Variants in TMTC1 observed in about 807,000 individuals in gnomAD.
TMTC1 encodes the protein protein O-mannosyl-transferase TMTC1.
TMTC1 carries 73 observed loss-of-function variants against 104.8 expected under a neutral mutation model. That is an observed-to-expected ratio of 0.70 (90% CI 0.58 to 0.85). The LOEUF (loss-of-function observed/expected upper bound fraction) is 0.85, where lower values mean the gene tolerates loss of function less well. TMTC1 is among the 40% of genes least tolerant of loss of function. The probability of loss-of-function intolerance (pLI) is 0.00; values close to 1 mark genes in which losing one functional copy is unlikely to be tolerated. For missense variants in TMTC1, 1,035 were observed against 1,096.1 expected, an observed-to-expected ratio of 0.94 and a Z score of 0.79; for synonymous variants, 434 against 428.7, an observed-to-expected ratio of 1.01 and a Z score of -0.15.
chr12:29,731,658 A>G (rs1196365666), intron 5 of TMTC1, among the ~76,000 whole-genome samples: 1 of 152,128 alleles, frequency 6.6e-6, no homozygotes, highest in East Asian at 1.9e-4. Context: ...AGATCAATAT[A>G]TAAAAAAATT....
intron 4 of TMTC1, among the ~76,000 whole-genome samples, chr12:29,754,439 G>A (rs539546212): frequency 1.2e-4 from 19 of 152,314 alleles, no homozygotes; most frequent in East Asian, 7.7e-4. Flanking sequence ...ACTGGACCAC[G>A]TGAGAGAACG....
chr12:29,720,318 A>G (rs1349405105), intron 5 of TMTC1, among the ~76,000 whole-genome samples: 1 of 152,224 alleles, frequency 6.6e-6, no homozygotes, highest in Non-Finnish European at 1.5e-5. Flanking sequence ...ACATCTGCAC[A>G]GCCTCCTGTT....
chr12:29,651,805 G>C (rs1175715038), intron 5 of TMTC1, among the ~76,000 whole-genome samples: 8 of 151,722 alleles, frequency 5.3e-5, no homozygotes, highest in Admixed American at 5.3e-4. Context: ...GGCTATGTAA[G>C]AAATTATTAG....
At chr12:29,672,359 T>C (rs922402524) in intron 5 of TMTC1, among the ~76,000 whole-genome samples, 7 of 152,232 alleles carry the variant, frequency 4.6e-5, no homozygotes, top group Non-Finnish European at 8.8e-5. Flanking sequence ...AGGACACTGA[T>C]GGGGTCCATT....
At chr12:29,575,439 A>C (rs749372211) in intron 8 of TMTC1, among the ~76,000 whole-genome samples, 43 of 151,732 alleles carry the variant, frequency 2.8e-4, no homozygotes, top group Non-Finnish European at 2.1e-4. Context: ...GCCGTTGGGG[A>C]AGTATGTTAA....
chr12:29,760,508 A>G (rs183496484), intron 2 of TMTC1, among the ~76,000 whole-genome samples: 46 of 152,336 alleles, frequency 3.0e-4, no homozygotes, highest in Non-Finnish European at 7.4e-5. Flanking sequence ...TAATTATTAA[A>G]TGAAAAAACT....
intron 7 of TMTC1, among the ~76,000 whole-genome samples, chr12:29,597,895 T>G (rs1488844301): frequency 6.6e-6 from 1 of 152,166 alleles, no homozygotes; most frequent in Non-Finnish European, 1.5e-5. Context: ...ACCAGAAATA[T>G]AGGAAAGATA....
intron 9 of TMTC1, among the ~76,000 whole-genome samples, chr12:29,559,512 G>T (rs903788406): frequency 6.6e-6 from 1 of 152,184 alleles, no homozygotes; most frequent in African/African-American, 2.4e-5. Context: ...AAAGCGAATA[G>T]TAAGAAGAGA....
chr12:29,513,782 A>T (rs10843441), intron 16 of TMTC1, among the ~76,000 whole-genome samples: 14,837 of 152,220 alleles, frequency 0.097, 921 homozygotes, highest in South Asian at 0.15. Context: ...GATGCAAAAC[A>T]TTGTTTTAGA....
intron 1 of TMTC1, among the ~76,000 whole-genome samples, chr12:29,781,774 T>A (rs746644728): frequency 1.3e-5 from 2 of 152,100 alleles, no homozygotes. Context: ...CAGGCTACAG[T>A]GAGCAATAAT....
At chr12:29,540,743 C>T (rs1214761201) in intron 10 of TMTC1, among the ~76,000 whole-genome samples, 18 of 152,120 alleles carry the variant, frequency 1.2e-4, no homozygotes, top group African/African-American at 3.1e-4. Flanking sequence ...GTATGTAATC[C>T]CAGCACTTTC....
At chr12:29,509,708 G>T (rs898689655) in intron 17 of TMTC1, among the ~76,000 whole-genome samples, 1 of 152,166 alleles carries the variant, frequency 6.6e-6, no homozygotes, top group Non-Finnish European at 1.5e-5. Context: ...CTGCAAAGGT[G>T]GCAATTTTAT....
chr12:29,724,375 A>G (rs928246503), intron 5 of TMTC1, among the ~76,000 whole-genome samples: 1 of 152,206 alleles, frequency 6.6e-6, no homozygotes, highest in Non-Finnish European at 1.5e-5. Context: ...CACATGCCCT[A>G]TGACCTGAAA....
At chr12:29,613,992 G>A (rs1946913288) in intron 6 of TMTC1, 2 of 912,142 alleles carry the variant, frequency 2.2e-6, no homozygotes, top group African/African-American at 1.8e-5. Context: ...TTAATAAGGA[G>A]AAAGAACCAT....
chr12:29,609,347 G>T (rs1232318446), intron 6 of TMTC1, among the ~76,000 whole-genome samples: 1 of 152,328 alleles, frequency 6.6e-6, no homozygotes, highest in East Asian at 1.9e-4. Flanking sequence ...CAGGCTGACA[G>T]CTAGTATGGC....
intron 5 of TMTC1, among the ~76,000 whole-genome samples, chr12:29,643,506 TTTTATATATA>T (rs1172877681): frequency 5.2e-5 from 3 of 57,700 alleles, no homozygotes; most frequent in Admixed American, 2.5e-4. Flanking sequence ...ATATTATATA[TTTTATATATA>T]ATATAATATA....
chr12:29,563,220 T>G (rs1945422917), intron 9 of TMTC1, among the ~76,000 whole-genome samples: 1 of 152,186 alleles, frequency 6.6e-6, no homozygotes, highest in African/African-American at 2.4e-5. Context: ...TTTCTCCAAG[T>G]TTTTCCAATA....
At chr12:29,722,075 T>A (rs193189118) in intron 5 of TMTC1, among the ~76,000 whole-genome samples, 2 of 152,296 alleles carry the variant, frequency 1.3e-5, no homozygotes, top group Admixed American at 1.3e-4. Flanking sequence ...AACTCCATTG[T>A]GCATTCATGA....
chr12:29,603,904 T>C (rs1253648135), intron 7 of TMTC1, among the ~76,000 whole-genome samples: 1 of 152,228 alleles, frequency 6.6e-6, no homozygotes, highest in Non-Finnish European at 1.5e-5. Context: ...TAGTGATAAA[T>C]GATTACTACT....
Sources: gnomAD v4.1 joint callset for allele counts (sites outside exome capture counted in the v4.1 genomes callset) on GRCh38, gnomAD v4.1.1 for gene constraint, MANE v1.5 for transcripts, NCBI Gene and HGNC (gene_info 2026-07-23, HGNC 2026-07-21) for gene names.